API5: variants seen among roughly 807,000 people sequenced by gnomAD.
API5 encodes apoptosis inhibitor 5.
In API5, 6 loss-of-function variants were observed where a neutral mutation model predicts 71.9. That is an observed-to-expected ratio of 0.08 (90% CI 0.05 to 0.16). API5 has a LOEUF of 0.16. API5 is among the 10% of genes least tolerant of loss of function. The pLI, the probability that API5 is intolerant of heterozygous loss-of-function variation, is 1.00. For missense variants in API5, 332 were observed against 612.8 expected, an observed-to-expected ratio of 0.54 and a Z score of 4.84; for synonymous variants, 189 against 221.3, an observed-to-expected ratio of 0.85 and a Z score of 1.30.
chr11:43,322,961 G>A (rs1345261902), intron 5 of API5, among the ~76,000 whole-genome samples: 2 of 152,138 alleles, frequency 1.3e-5, no homozygotes, highest in African/African-American at 4.8e-5. Context: ...CTTGCAAGGT[G>A]ACCTATTTTG....
chr11:43,318,964 A>T (rs755309638), intron 2 of API5, 163 bp downstream of exon 2: 115 of 600,756 alleles, frequency 1.9e-4, no homozygotes, highest in Non-Finnish European at 2.7e-4. Flanking sequence ...GATAAAGTGT[A>T]TTAGCCTTTT....
intron 3 of API5, 41 bp downstream of exon 3, chr11:43,320,955 C>A (rs778360706): frequency 1.3e-6 from 2 of 1,501,332 alleles, no homozygotes; most frequent in East Asian, 2.3e-5. Flanking sequence ...AAATATATAT[C>A]TTCTTTCTGA....
chr11:43,339,218 T>C (rs1952772677), intron 13 of API5: 1 of 152,158 alleles, frequency 6.6e-6, no homozygotes, highest in African/African-American at 2.4e-5. Context: ...TGTCTCAGAA[T>C]TGAATTACTT....
chr11:43,336,349 G>A (rs1428981615), intron 13 of API5: 14 of 310,316 alleles, frequency 4.5e-5, no homozygotes, highest in Non-Finnish European at 7.1e-5. Context: ...CTCAGGGATG[G>A]GTATAGCTTC....
chr11:43,330,469 T>G (rs771998936), intron 10 of API5, 39 bp from the exon 11 acceptor site: 1 of 1,416,492 alleles, frequency 7.1e-7, no homozygotes, highest in East Asian at 2.3e-5. Flanking sequence ...CTCATAGAAG[T>G]TATTGGCAAT....
rs1855122754 is a variant in API5, at chr11:43,327,792, T to C, written c.859T>C (p.Leu287=). 5.6e-6 allele frequency: 9 copies of C among 1,610,448 alleles called. No homozygotes were observed. Among genetic ancestry groups the C allele is most frequent in the Non-Finnish European group, 7.6e-6 (9 of 1,178,598 alleles). The change falls in exon 8 of 14, where the codon TTG becomes CTG. Residue 287 remains leucine, a synonymous_variant. Transcript: ENST00000531273. ...VEGLDIQLEV[L]KLLAEMSSFC... The stretch of plus-strand genomic sequence containing the variant: ...AATAGTGAATTGTGTGTTTTAGGTA[T>C]TGAAATTGTTGGCGGAGATGAGTTC...
intron 4 of API5, 53 bp downstream of exon 4, chr11:43,321,529 G>T: frequency 7.3e-7 from 1 of 1,363,604 alleles, no homozygotes. Context: ...GAATCACAAA[G>T]TTAGGTGTTA....
At chr11:43,321,704 C>T (rs749154411) in intron 4 of API5, among the ~76,000 whole-genome samples, 3 of 152,156 alleles carry the variant, frequency 2.0e-5, no homozygotes, top group Non-Finnish European at 2.9e-5. Flanking sequence ...GTTGGAAGAA[C>T]TCCTTTTGAC....
chr11:43,337,579 T>C (rs1487341050), intron 13 of API5, among the ~76,000 whole-genome samples: 2 of 152,174 alleles, frequency 1.3e-5, no homozygotes, highest in Non-Finnish European at 2.9e-5. Context: ...TCTCCTTGCC[T>C]CTTATCTGAA....
intron 1 of API5, chr11:43,318,426 T>C: frequency 6.5e-7 from 1 of 1,533,504 alleles, no homozygotes; most frequent in Non-Finnish European, 8.7e-7. Flanking sequence ...ATTAGACTCA[T>C]CCATCTCCCC....
rs569105450 is a variant in API5, at chr11:43,324,407, A to G, written c.750+771A>G. Among the ~76,000 whole-genome samples, 6 of 152,258 alleles carry G rather than the reference A, an allele frequency of 3.9e-5. 1 individual carries two copies. The East Asian group carries it at 9.7e-4, about 25-fold the overall frequency. ...CTCAGGCTTTGTGTTTCCTGAGGCC[A>G]TGCATCTTCTGGGATGTGCATACAT... On this transcript the variant is annotated intron_variant, in intron 6 of 13. Transcript: ENST00000531273.
At chr11:43,332,407 T>G (rs2134372018) in intron 11 of API5, among the ~76,000 whole-genome samples, 1 of 152,288 alleles carries the variant, frequency 6.6e-6, no homozygotes, top group Admixed American at 6.5e-5. Context: ...TGCTTCTGAT[T>G]GGCTGGCTAT....
chr11:43,322,303 C>G (rs188576659), intron 5 of API5, among the ~76,000 whole-genome samples, 167 bp downstream of exon 5: 23 of 152,064 alleles, frequency 1.5e-4, no homozygotes, highest in Admixed American at 1.5e-3. Context: ...GAATTTAGCA[C>G]TTTTGTCGGT....
At chr11:43,333,457 T>A (rs1175099480) in intron 11 of API5, among the ~76,000 whole-genome samples, 6 of 152,204 alleles carry the variant, frequency 3.9e-5, no homozygotes, top group Non-Finnish European at 7.3e-5. Context: ...CAAAAACTGA[T>A]ACAGGCATAA....
At chr11:43,318,298 C>A in intron 1 of API5, 2 of 926,196 alleles carry the variant, frequency 2.2e-6, no homozygotes, top group South Asian at 3.1e-5. Flanking sequence ...CGTGAGCCAC[C>A]ACGCCTGGCC....
At chr11:43,321,352 G>A in intron 3 of API5, 59 bp from the exon 4 acceptor site, 1 of 1,383,514 alleles carries the variant, frequency 7.2e-7, no homozygotes, top group Non-Finnish European at 1.0e-6. Context: ...GTTTGAAACT[G>A]AAGCAGATGA....
chr11:43,321,388 T>A (rs1342879606), intron 3 of API5, 23 bp from the exon 4 acceptor site: 1 of 1,582,138 alleles, frequency 6.3e-7, no homozygotes, highest in Admixed American at 1.7e-5. Flanking sequence ...TTATATTCAT[T>A]ATGCCACTTT....
At chr11:43,336,339 C>T (rs1319540518) in intron 13 of API5, 15 of 336,202 alleles carry the variant, frequency 4.5e-5, no homozygotes, top group African/African-American at 1.5e-4. Flanking sequence ...TGCATTCTCC[C>T]TCAGGGATGG....
intron 13 of API5, among the ~76,000 whole-genome samples, chr11:43,339,080 C>T (rs1055238519): frequency 8.5e-5 from 13 of 152,124 alleles, no homozygotes; most frequent in African/African-American, 2.9e-4. Context: ...ATTTCATTTT[C>T]AAATGGTTTG....
Sources: allele counts gnomAD v4.1 joint callset (sites outside exome capture counted in the v4.1 genomes callset), GRCh38; gene constraint gnomAD v4.1.1; transcripts MANE v1.5; gene names NCBI Gene and HGNC (gene_info 2026-07-23, HGNC 2026-07-21).